Variants in TENM2 observed in about 807,000 individuals in gnomAD.
The protein encoded by TENM2 is teneurin-2.
A neutral mutation model predicts 245.2 loss-of-function variants in TENM2; 52 were observed. The ratio of observed to expected loss-of-function variants is 0.21; its 90% CI spans 0.17 to 0.27. The LOEUF is 0.27. Ranked by LOEUF, TENM2 falls within the 10% of genes least tolerant of loss-of-function variation. The probability of loss-of-function intolerance (pLI) is 1.00; values close to 1 mark genes in which losing one functional copy is unlikely to be tolerated. For synonymous variants in TENM2, 1,363 were observed against 1,438.9 expected, an observed-to-expected ratio of 0.95 and a Z score of 1.19; for missense variants, 3,046 against 3,666.8, an observed-to-expected ratio of 0.83 and a Z score of 4.37.
intron 1 of TENM2, among the ~76,000 whole-genome samples, chr5:167,302,754 G>C (rs1159370635): frequency 6.6e-6 from 1 of 152,032 alleles, no homozygotes; most frequent in Non-Finnish European, 1.5e-5. Flanking sequence ...GCGGAGAAGG[G>C]GTATTGACAT....
At chr5:167,602,806 G>A (rs1387415589) in intron 2 of TENM2, among the ~76,000 whole-genome samples, 5 of 152,128 alleles carry the variant, frequency 3.3e-5, no homozygotes, top group Non-Finnish European at 7.4e-5. Flanking sequence ...GAAAATAAGT[G>A]CATAAACAAG....
intron 9 of TENM2, among the ~76,000 whole-genome samples, chr5:168,115,318 A>G (rs1404745813): frequency 7.2e-6 from 1 of 139,064 alleles, no homozygotes; most frequent in Non-Finnish European, 1.5e-5. Flanking sequence ...GAAGGAAGGG[A>G]AGGAAGGGAA....
the TENM2 span, among the ~76,000 whole-genome samples, chr5:167,015,899 C>G: frequency 1.3e-5 from 2 of 151,930 alleles, no homozygotes; most frequent in South Asian, 2.1e-4. Flanking sequence ...TTTACTTTTT[C>G]CTTTTCTGCC....
At chr5:167,830,501 G>A (rs1176178276) in intron 2 of TENM2, among the ~76,000 whole-genome samples, 1 of 152,076 alleles carries the variant, frequency 6.6e-6, no homozygotes, top group Admixed American at 6.6e-5. Context: ...CACCTGCTTG[G>A]TTCTAGGCCC....
chr5:168,210,539 A>G (rs761685563), intron 19 of TENM2, among the ~76,000 whole-genome samples: 5 of 152,178 alleles, frequency 3.3e-5, no homozygotes, highest in Non-Finnish European at 7.3e-5. Context: ...CTGACACACC[A>G]GGCTTTGCAG....
intron 2 of TENM2, among the ~76,000 whole-genome samples, chr5:167,823,445 A>AC (rs1330350965): frequency 2.0e-5 from 3 of 150,448 alleles, no homozygotes; most frequent in African/African-American, 7.4e-5. Flanking sequence ...CCTTCCCCTC[A>AC]CCCCCCTGCC....
chr5:167,091,404 T>C, the TENM2 span, among the ~76,000 whole-genome samples: 40 of 152,296 alleles, frequency 2.6e-4, no homozygotes, highest in East Asian at 5.6e-3. Context: ...GTGATATACT[T>C]ATAGTACAGA....
At chr5:168,211,873 A>T in intron 20 of TENM2, 119 bp downstream of exon 22, 1 of 607,344 alleles carries the variant, frequency 1.6e-6, no homozygotes, top group East Asian at 3.2e-5. Flanking sequence ...CAAATATAGT[A>T]ACTTTTTTAT....
At chr5:168,096,180 TTCAGAACTAAGG>T (rs1485542933) in intron 8 of TENM2, among the ~76,000 whole-genome samples, 1 of 152,190 alleles carries the variant, frequency 6.6e-6, no homozygotes, top group Non-Finnish European at 1.5e-5. Flanking sequence ...GAAAAGATAG[TTCAGAACTAAGG>T]CAGTCAATGC....
intron 2 of TENM2, among the ~76,000 whole-genome samples, chr5:167,562,441 A>G (rs1773653355): frequency 6.6e-6 from 1 of 152,126 alleles, no homozygotes; most frequent in South Asian, 2.1e-4. Context: ...GGTTTCAGAT[A>G]AGATTTGCAC....
At chr5:167,550,330 T>A (rs1434401082) in intron 2 of TENM2, among the ~76,000 whole-genome samples, 2 of 152,214 alleles carry the variant, frequency 1.3e-5, no homozygotes, top group African/African-American at 4.8e-5. Flanking sequence ...GGTGCTGGAT[T>A]CCCTGAGCGC....
At chr5:167,492,621 T>C (rs1178626976) in intron 2 of TENM2, among the ~76,000 whole-genome samples, 1 of 152,140 alleles carries the variant, frequency 6.6e-6, no homozygotes, top group African/African-American at 2.4e-5. Flanking sequence ...CAATTTTTAA[T>C]ACTTTGTACA....
chr5:167,379,048 C>T (rs1440392554), intron 2 of TENM2, among the ~76,000 whole-genome samples: 1 of 152,112 alleles, frequency 6.6e-6, no homozygotes, highest in East Asian at 1.9e-4. Context: ...TTCTTCCCCT[C>T]CCCTCTCCAT....
At chr5:168,132,409 T>C (rs570227803) in intron 12 of TENM2, among the ~76,000 whole-genome samples, 1 of 152,322 alleles carries the variant, frequency 6.6e-6, no homozygotes, top group East Asian at 1.9e-4. Flanking sequence ...TGTGATTTAG[T>C]AATGTCTGCT....
the TENM2 span, among the ~76,000 whole-genome samples, chr5:167,083,230 G>A: frequency 6.6e-6 from 1 of 152,156 alleles, no homozygotes; most frequent in Non-Finnish European, 1.5e-5. Flanking sequence ...CGAGGGTTAT[G>A]TGTGGCCACT....
At chr5:168,163,584 A>G (rs928431592) in intron 13 of TENM2, among the ~76,000 whole-genome samples, 5 of 152,126 alleles carry the variant, frequency 3.3e-5, no homozygotes, top group East Asian at 1.9e-4. Context: ...TCGCTTCCCA[A>G]AGTTTCTTCC....
At chr5:167,492,386 T>C (rs1768487602) in intron 2 of TENM2, among the ~76,000 whole-genome samples, 1 of 152,090 alleles carries the variant, frequency 6.6e-6, no homozygotes, top group East Asian at 1.9e-4. Flanking sequence ...TAATAGCACC[T>C]ATGCCATGGC....
At chr5:167,872,548 G>GAAAGAAAGAAAGAAAGAAAGAAAGAGAA (rs1313191288) in intron 2 of TENM2, among the ~76,000 whole-genome samples, 1 of 65,438 alleles carries the variant, frequency 1.5e-5, no homozygotes, top group Non-Finnish European at 4.0e-5. Flanking sequence ...AAGAAAGAAA[G>GAAAGAAAGAAAGAAAGAAAGAAAGAGAA]AGAAAGAAAG....
chr5:168,014,752 A>G (rs540004735), intron 5 of TENM2, among the ~76,000 whole-genome samples: 1 of 152,310 alleles, frequency 6.6e-6, no homozygotes, highest in East Asian at 1.9e-4. Context: ...ACTGAAGGCA[A>G]ATGACTTGAA....
Sources: allele counts gnomAD v4.1 joint callset (sites outside exome capture counted in the v4.1 genomes callset), GRCh38; gene constraint gnomAD v4.1.1; transcripts MANE v1.5; gene names NCBI Gene and HGNC (gene_info 2026-07-23, HGNC 2026-07-21).